Variants in ANKRD11 observed in about 807,000 individuals in gnomAD.
The protein encoded by ANKRD11 is ankyrin repeat domain-containing protein 11.
In ANKRD11, 17 loss-of-function variants were observed where a neutral mutation model predicts 195.7. The observed-to-expected ratio is 0.09, with a 90% CI of 0.06 to 0.13. The LOEUF is 0.13. Ranked by LOEUF, ANKRD11 falls within the 10% of genes least tolerant of loss-of-function variation. The probability of loss-of-function intolerance (pLI) is 1.00; values close to 1 mark genes in which losing one functional copy is unlikely to be tolerated. For missense variants in ANKRD11, 3,735 were observed against 3,566.1 expected (o/e 1.05, Z -1.21); for synonymous variants, 1,953 against 1,528.1 (o/e 1.28, Z -6.49).
At chr16:89,324,774 A>G in intron 2 of ANKRD11, 1 of 297,068 alleles carries the variant, frequency 3.4e-6, no homozygotes, top group Non-Finnish European at 6.6e-6. Flanking sequence ...CACAGACTGA[A>G]AGCTGCGCTG....
intron 1 of ANKRD11, among the ~76,000 whole-genome samples, chr16:89,485,841 G>A (rs1025896372): frequency 6.6e-6 from 1 of 152,152 alleles, no homozygotes; most frequent in Admixed American, 6.5e-5. Context: ...CATGTGACCA[G>A]AGGGGCCTCC....
chr16:89,412,010 G>A (rs1380741992), intron 2 of ANKRD11, among the ~76,000 whole-genome samples: 3 of 98,020 alleles, frequency 3.1e-5, no homozygotes, highest in Admixed American at 1.1e-4. Flanking sequence ...TCTCCTGGCC[G>A]TGCCCCATCC....
At chr16:89,424,417 G>C (rs1451340798) in intron 1 of ANKRD11, among the ~76,000 whole-genome samples, 1 of 149,974 alleles carries the variant, frequency 6.7e-6, no homozygotes, top group African/African-American at 2.5e-5. Context: ...CTCCAGGCTG[G>C]GTGACAAGAG....
At chr16:89,392,804 C>G (rs2041256586) in intron 2 of ANKRD11, 2 of 149,968 alleles carry the variant, frequency 1.3e-5, no homozygotes, top group Non-Finnish European at 3.0e-5. Context: ...CTGCTTTTCT[C>G]TAAACACTAG....
At chr16:89,458,032 G>C (rs1347630421) in intron 1 of ANKRD11, among the ~76,000 whole-genome samples, 1 of 152,024 alleles carries the variant, frequency 6.6e-6, no homozygotes, top group African/African-American at 2.4e-5. Flanking sequence ...GGAGACCGCA[G>C]CCATCCACCT....
chr16:89,279,666 G>C lies in ANKRD11; in HGVS notation c.6876C>G (p.Asp2292Glu). The C allele has an allele frequency of 1.4e-6, 2 of 1,457,086 alleles. No individual in the cohort carries two copies. The highest frequency in any genetic ancestry group is 1.8e-6 in the Non-Finnish European group (2 of 1,108,444). 90.3% of individuals were successfully genotyped at this position (1,457,086 alleles called of 1,614,324 possible). A position where few individuals can be genotyped will look rare whatever the true frequency, so the allele number is the denominator to read the frequency against. Residue 2292 changes from aspartate (D) to glutamate (E), a missense_variant, in exon 9 of 13, where the codon GAC becomes GAG. Transcript: ENST00000301030. The surrounding 1 kb of genome is among the most constrained non-coding windows in gnomAD (Gnocchi z 5.6). ...AQAADGAGPE[D>E]DTEASRAAAP... is the part of the protein sequence containing the mutation. ...CGGCGGCACGGGAGGCCTCAGTGTC[G>C]TCCTCGGGGCCGGCACCGTCTGCGG...
At chr16:89,408,743 G>T (rs2042005500) in intron 2 of ANKRD11, among the ~76,000 whole-genome samples, 1 of 152,098 alleles carries the variant, frequency 6.6e-6, no homozygotes, top group East Asian at 1.9e-4. Context: ...TCACTTCACT[G>T]ATCAGCCGTG....
chr16:89,439,515 A>C (rs557005678), intron 1 of ANKRD11, among the ~76,000 whole-genome samples: 1 of 152,350 alleles, frequency 6.6e-6, no homozygotes, highest in Admixed American at 6.5e-5. Flanking sequence ...TTCTCCATGT[A>C]AAACAGTGAT....
At chr16:89,432,010 C>A (rs2042999340) in intron 1 of ANKRD11, among the ~76,000 whole-genome samples, 1 of 152,140 alleles carries the variant, frequency 6.6e-6, no homozygotes, top group Admixed American at 6.5e-5. Flanking sequence ...CTCCTCCCTA[C>A]TGCAACCGCT....
Position 89,282,730 on chromosome 16 carries a change from G to A in ANKRD11, c.3812C>T (p.Ser1271Leu), listed in dbSNP as rs767520089. The change falls in exon 9 of 13, where the codon TCG (serine) becomes TTG (leucine). Residue 1271 changes from serine (S) to leucine (L), a missense_variant. Coordinates refer to ENST00000301030, the MANE Select transcript of ANKRD11 (RefSeq NM_013275.6). Reference sequence around the variant, plus strand: ...GCTTTTTTCCGCGTCGGCACTTCTCGAGGACTTCCTCTCCTTGGAATGTTC... The same window carrying A: ...GCTTTTTTCCGCGTCGGCACTTCTCAAGGACTTCCTCTCCTTGGAATGTTC... Reference protein sequence around the residue: ...DKEHSKERKSSRSADAEKSLL... With the variant: ...DKEHSKERKSLRSADAEKSLL... 28 of 1,613,420 alleles carry A rather than the reference G, an allele frequency of 1.7e-5. 1 individual carries two copies. The South Asian group carries it at 2.0e-4, about 11-fold the overall frequency.
At chr16:89,465,530 G>C (rs1364811812) in intron 1 of ANKRD11, among the ~76,000 whole-genome samples, 2 of 152,160 alleles carry the variant, frequency 1.3e-5, no homozygotes, top group Non-Finnish European at 1.5e-5. Flanking sequence ...TCCGCGGAAA[G>C]CCTGCTTTCA....
At chr16:89,466,308 G>A (rs1429551709) in intron 1 of ANKRD11, among the ~76,000 whole-genome samples, 1 of 152,110 alleles carries the variant, frequency 6.6e-6, no homozygotes, top group African/African-American at 2.4e-5. Flanking sequence ...CAAATCCAGA[G>A]AGATAGAAAA....
intron 2 of ANKRD11, among the ~76,000 whole-genome samples, chr16:89,410,512 G>A (rs1159800786): frequency 1.3e-5 from 2 of 152,130 alleles, no homozygotes; most frequent in African/African-American, 4.8e-5. Flanking sequence ...CAGAGCCACG[G>A]AAGGGAAACA....
intron 1 of ANKRD11, chr16:89,443,444 G>A (rs1218585463): frequency 6.6e-6 from 1 of 152,064 alleles, no homozygotes; most frequent in Non-Finnish European, 1.5e-5. Flanking sequence ...CACACAGATT[G>A]GGACCTGCTC....
chr16:89,440,580 C>A (rs934214669), intron 1 of ANKRD11, among the ~76,000 whole-genome samples: 1 of 152,140 alleles, frequency 6.6e-6, no homozygotes, highest in Non-Finnish European at 1.5e-5. Context: ...TACCAATGCA[C>A]TCCAACCTGG....
At chr16:89,369,998 C>G (rs2040123305) in intron 2 of ANKRD11, among the ~76,000 whole-genome samples, 1 of 152,230 alleles carries the variant, frequency 6.6e-6, no homozygotes, top group African/African-American at 2.4e-5. Flanking sequence ...GGCTGGGGGC[C>G]TGGCCCCTTC....
chr16:89,473,916 G>A (rs911195304), intron 1 of ANKRD11, among the ~76,000 whole-genome samples: 7 of 152,172 alleles, frequency 4.6e-5, no homozygotes, highest in African/African-American at 1.2e-4. Flanking sequence ...AAGTTGCTGC[G>A]CTGTCACTCC....
At chr16:89,296,201 T>C (rs535581874) in intron 4 of ANKRD11, among the ~76,000 whole-genome samples, 3 of 152,104 alleles carry the variant, frequency 2.0e-5, no homozygotes, top group African/African-American at 4.8e-5. Context: ...CAGAGTCATA[T>C]TTAAATGTGT....
intron 2 of ANKRD11, among the ~76,000 whole-genome samples, chr16:89,343,489 ATG>A (rs1017343768): frequency 1.3e-5 from 2 of 152,202 alleles, no homozygotes; most frequent in Non-Finnish European, 1.5e-5. Context: ...CACATAATGT[ATG>A]TGTGAGTGAG....
Sources: gnomAD v4.1 joint callset for allele counts (sites outside exome capture counted in the v4.1 genomes callset) on GRCh38, gnomAD v4.1.1 for gene constraint, Gnocchi (gnomAD v3.1) non-coding constraint, MANE v1.5 for transcripts, NCBI Gene and HGNC (gene_info 2026-07-23, HGNC 2026-07-21) for gene names.